Variants in NDUFA8 observed in about 807,000 individuals in gnomAD.
NDUFA8 encodes the protein NADH dehydrogenase [ubiquinone] 1 alpha subcomplex subunit 8.
A neutral mutation model predicts 20.9 loss-of-function variants in NDUFA8; 16 were observed. That is an observed-to-expected ratio of 0.77 (90% CI 0.52 to 1.16). The LOEUF is 1.16. Among genes scored for constraint, NDUFA8 ranks in the 50% most tolerant of loss-of-function variants. The pLI, the probability that NDUFA8 is intolerant of heterozygous loss-of-function variation, is 0.00. For missense variants in NDUFA8, 202 were observed against 216.4 expected, an observed-to-expected ratio of 0.93 and a Z score of 0.42; for synonymous variants, 70 against 76.1, an observed-to-expected ratio of 0.92 and a Z score of 0.41.
intron 2 of NDUFA8, among the ~76,000 whole-genome samples, chr9:122,150,651 G>A (rs1178354423): frequency 1.3e-5 from 2 of 151,996 alleles, no homozygotes; most frequent in East Asian, 3.9e-4. Context: ...TTTATCCACT[G>A]ATGGAATAAT....
At position 122,159,696 on chromosome 9, in the gene NDUFA8, C is replaced by A. The variant is rs1483246231; in HGVS notation, c.-19G>T. 3.7e-6 allele frequency: 6 copies of A among 1,614,008 alleles called. No homozygotes were observed. Among genetic ancestry groups the A allele is most frequent in the Non-Finnish European group, 5.1e-6 (6 of 1,179,998 alleles). Reference sequence around the variant, plus strand: ...CCGGCATGACGGCTGCAGCCCCGACCCCGACGAGAAGCCCTCAGCCGCGTC... The same window carrying A: ...CCGGCATGACGGCTGCAGCCCCGACACCGACGAGAAGCCCTCAGCCGCGTC... On this transcript the variant is annotated 5_prime_UTR_variant, in exon 1 of 4. Coordinates refer to ENST00000373768, the MANE Select transcript of NDUFA8 (RefSeq NM_014222.3).
chr9:122,144,376 G>C lies in NDUFA8; in HGVS notation c.384C>G (p.Val128=). ...VRPDLGELSK[V]TKVKTDRPLP... ...AAGGTCGATCTGTTTTCACTTTGGT[G>C]ACCTGGGAAGGGTGAAGAGGGCAAA... The change falls in exon 4 of 4, where the codon GTC becomes GTG. Residue 128 remains valine, a splice_region_variant and synonymous_variant. Coordinates refer to ENST00000373768, the MANE Select transcript of NDUFA8 (RefSeq NM_014222.3). 6.2e-7 allele frequency: 1 copy of C among 1,614,130 alleles called. No homozygotes were observed. The highest frequency in any genetic ancestry group is 8.5e-7 in the Non-Finnish European group (1 of 1,180,002).
At chr9:122,142,408 C>G (rs1365926820), downstream of NDUFA8, among the ~76,000 whole-genome samples, 1 of 152,176 alleles carries the variant, frequency 6.6e-6, no homozygotes, top group East Asian at 1.9e-4. Context: ...TCAAAAATTC[C>G]AAGCCCAGGC....
At chr9:122,143,612 C>G (rs1202382721), downstream of NDUFA8, among the ~76,000 whole-genome samples, 1 of 152,172 alleles carries the variant, frequency 6.6e-6, no homozygotes, top group African/African-American at 2.4e-5. Flanking sequence ...GGAAAAACAT[C>G]TGGGTTATAA....
chr9:122,157,823 C>G (rs1022620696), intron 1 of NDUFA8, among the ~76,000 whole-genome samples: 2 of 152,214 alleles, frequency 1.3e-5, no homozygotes, highest in Non-Finnish European at 2.9e-5. Flanking sequence ...GCCACTCTCA[C>G]AGGCATCTAA....
the NDUFA8 span, among the ~76,000 whole-genome samples, chr9:122,134,410 G>A: frequency 2.0e-5 from 3 of 152,218 alleles, 1 homozygote; most frequent in African/African-American, 7.2e-5. Context: ...TCCATAAAAC[G>A]GGAATAACAG....
At chr9:122,158,376 C>G (rs1829111037) in intron 1 of NDUFA8, among the ~76,000 whole-genome samples, 1 of 152,092 alleles carries the variant, frequency 6.6e-6, no homozygotes, top group South Asian at 2.1e-4. Flanking sequence ...CTTCCAAGTC[C>G]TATCTCAGCC....
At chr9:122,145,006 G>A (rs189747952) in intron 3 of NDUFA8, among the ~76,000 whole-genome samples, 3 of 152,268 alleles carry the variant, frequency 2.0e-5, no homozygotes, top group Admixed American at 1.3e-4. Flanking sequence ...TCACTCTTAG[G>A]AGGTCATTCT....
At chr9:122,155,399 CT>C (rs1359338621) in intron 1 of NDUFA8, among the ~76,000 whole-genome samples, 1 of 152,166 alleles carries the variant, frequency 6.6e-6, no homozygotes, top group Non-Finnish European at 1.5e-5. Context: ...TTTTTATGCA[CT>C]TTATGCAGCT....
At chr9:122,136,788 C>A in the NDUFA8 span, among the ~76,000 whole-genome samples, 1 of 152,172 alleles carries the variant, frequency 6.6e-6, no homozygotes, top group Non-Finnish European at 1.5e-5. Flanking sequence ...AACTCCTGAC[C>A]TCGTGATCCG....
At chr9:122,159,298 T>G (rs905096167) in intron 1 of NDUFA8, among the ~76,000 whole-genome samples, 1 of 152,198 alleles carries the variant, frequency 6.6e-6, no homozygotes. Context: ...CATGCAAGTT[T>G]GAGGATTAAG....
the NDUFA8 span, among the ~76,000 whole-genome samples, chr9:122,132,778 G>C: frequency 1.3e-5 from 2 of 152,130 alleles, no homozygotes; most frequent in Admixed American, 1.3e-4. Flanking sequence ...CCTGGGCTAC[G>C]GTGACCTGTG....
chr9:122,141,089 T>C (rs1295778129), downstream of NDUFA8, among the ~76,000 whole-genome samples: 1 of 152,222 alleles, frequency 6.6e-6, no homozygotes, highest in Non-Finnish European at 1.5e-5. Context: ...GGGGAAGGAC[T>C]GTTTCCTGGC....
chr9:122,155,955 C>T (rs183465366), intron 1 of NDUFA8, among the ~76,000 whole-genome samples: 237 of 152,282 alleles, frequency 1.6e-3, no homozygotes, highest in Middle Eastern at 6.8e-3. Flanking sequence ...GAGTCTGTTT[C>T]GTAATTAATG....
the NDUFA8 span, among the ~76,000 whole-genome samples, chr9:122,138,447 A>T: frequency 6.6e-6 from 1 of 152,314 alleles, no homozygotes; most frequent in South Asian, 2.1e-4. Flanking sequence ...TGAGAAAACA[A>T]AAGCAAAAAG....
chr9:122,152,641 G>C (rs1378813752), intron 1 of NDUFA8, among the ~76,000 whole-genome samples: 2 of 149,214 alleles, frequency 1.3e-5, no homozygotes, highest in African/African-American at 5.0e-5. Flanking sequence ...CTGCAACTTC[G>C]GCCTCCGAGG....
At chr9:122,134,580 G>C in the NDUFA8 span, among the ~76,000 whole-genome samples, 1 of 152,102 alleles carries the variant, frequency 6.6e-6, no homozygotes, top group Admixed American at 6.5e-5. Context: ...TGCTTACACA[G>C]CTCCCCTGCC....
At chr9:122,141,847 A>G (rs1828825472), downstream of NDUFA8, among the ~76,000 whole-genome samples, 1 of 152,158 alleles carries the variant, frequency 6.6e-6, no homozygotes, top group Non-Finnish European at 1.5e-5. Context: ...GTGTAATCCC[A>G]TCGCGAGTAC....
chr9:122,156,497 A>G (rs973980603), intron 1 of NDUFA8, among the ~76,000 whole-genome samples: 2 of 152,252 alleles, frequency 1.3e-5, no homozygotes, highest in Non-Finnish European at 2.9e-5. Flanking sequence ...TAAAAATAAT[A>G]AGAACAGTGC....
Sources: allele counts gnomAD v4.1 joint callset (sites outside exome capture counted in the v4.1 genomes callset), GRCh38; gene constraint gnomAD v4.1.1; transcripts MANE v1.5; gene names NCBI Gene and HGNC (gene_info 2026-07-23, HGNC 2026-07-21).